Variants in NPEPPS observed in about 807,000 individuals in gnomAD.
The protein encoded by NPEPPS is aminopeptidase puromycin sensitive, also known as puromycin-sensitive aminopeptidase.
NPEPPS carries 14 observed loss-of-function variants against 115.5 expected under a neutral mutation model. The observed-to-expected ratio is 0.12, with a 90% CI of 0.08 to 0.19. The LOEUF (loss-of-function observed/expected upper bound fraction) is 0.19. Among genes scored for constraint, NPEPPS ranks in the 10% least tolerant of loss-of-function variants. The pLI is 1.00. For missense variants in NPEPPS, 523 were observed against 1,110.8 expected, an observed-to-expected ratio of 0.47 and a Z score of 7.52; for synonymous variants, 285 against 390.6, an observed-to-expected ratio of 0.73 and a Z score of 3.19.
At chr17:47,562,597 T>C (rs1288858831) in intron 2 of NPEPPS, among the ~76,000 whole-genome samples, 4 of 142,072 alleles carry the variant, frequency 2.8e-5, no homozygotes, top group African/African-American at 1.0e-4. Flanking sequence ...GGAAGGCTTT[T>C]TTGATGCAGA....
At chr17:47,573,508 A>G (rs1911324469) in intron 3 of NPEPPS, among the ~76,000 whole-genome samples, 2 of 152,132 alleles carry the variant, frequency 1.3e-5, no homozygotes, top group South Asian at 4.1e-4. Context: ...GGAGTGGGGG[A>G]TGGATTAGCT....
At chr17:47,619,275 C>A in intron 21 of NPEPPS, 111 bp downstream of exon 21, 1 of 1,107,296 alleles carries the variant, frequency 9.0e-7, no homozygotes, top group Non-Finnish European at 1.3e-6. Context: ...TTCCTGTGGC[C>A]AGGTGCAGTG....
At chr17:47,536,393 T>C (rs1315225342) in intron 1 of NPEPPS, among the ~76,000 whole-genome samples, 8 of 145,994 alleles carry the variant, frequency 5.5e-5, no homozygotes, top group Admixed American at 1.4e-4. Flanking sequence ...TCTCTCTTTT[T>C]TTTTTTTTTT....
At chr17:47,601,191 C>T (rs1021826475) in intron 14 of NPEPPS, among the ~76,000 whole-genome samples, 9 of 151,816 alleles carry the variant, frequency 5.9e-5, no homozygotes, top group Admixed American at 2.0e-4. Flanking sequence ...GCTGAGATCA[C>T]GCCACCGCAC....
chr17:47,543,506 T>TTA (rs1376918089), intron 1 of NPEPPS, among the ~76,000 whole-genome samples: 2 of 148,122 alleles, frequency 1.4e-5, no homozygotes, highest in African/African-American at 5.0e-5. Context: ...TTTTTTTTTT[T>TTA]AGTAGAAATG....
intron 2 of NPEPPS, among the ~76,000 whole-genome samples, chr17:47,553,823 T>C (rs1008806024): frequency 6.6e-6 from 1 of 151,550 alleles, no homozygotes; most frequent in Non-Finnish European, 1.5e-5. Flanking sequence ...CAATCTCAGC[T>C]CACTGCAACC....
intron 12 of NPEPPS, 64 bp downstream of exon 12, chr17:47,592,609 C>T: frequency 7.2e-7 from 1 of 1,398,246 alleles, no homozygotes; most frequent in Non-Finnish European, 9.8e-7. Context: ...CAGGCTGGGA[C>T]ATTTTATTTT....
intron 2 of NPEPPS, among the ~76,000 whole-genome samples, chr17:47,567,351 G>T (rs1910888447): frequency 6.6e-6 from 1 of 152,148 alleles, no homozygotes; most frequent in African/African-American, 2.4e-5. Context: ...AGTGACAGTA[G>T]AAACATTTGA....
At chr17:47,599,611 C>G (rs937262434) in intron 13 of NPEPPS, 65 bp from the exon 14 acceptor site, 9 of 1,385,850 alleles carry the variant, frequency 6.5e-6, no homozygotes, top group Non-Finnish European at 9.0e-6. Flanking sequence ...CCCTCCTCTT[C>G]AAAAACAAAA....
chr17:47,555,093 C>T (rs1281764827), intron 2 of NPEPPS, among the ~76,000 whole-genome samples: 1 of 152,144 alleles, frequency 6.6e-6, no homozygotes, highest in African/African-American at 2.4e-5. Flanking sequence ...TCTTCATGTG[C>T]TCTATCCTAT....
chr17:47,554,089 G>A (rs1909839962), intron 2 of NPEPPS, among the ~76,000 whole-genome samples: 1 of 151,504 alleles, frequency 6.6e-6, no homozygotes, highest in African/African-American at 2.4e-5. Flanking sequence ...TGCCCAGGCT[G>A]GAGTGCGATG....
intron 18 of NPEPPS, 55 bp downstream of exon 18, chr17:47,612,657 ATGGAAC>A (rs1431034948): frequency 7.0e-7 from 1 of 1,424,674 alleles, no homozygotes; most frequent in African/African-American, 1.5e-5. Context: ...TTTGTGAAGC[ATGGAAC>A]TTTTTTTTTT....
At chr17:47,586,058 C>T in intron 6 of NPEPPS, 90 bp from the exon 7 acceptor site, 2 of 889,188 alleles carry the variant, frequency 2.2e-6, no homozygotes, top group Non-Finnish European at 1.6e-6. Flanking sequence ...ATTTAAGATA[C>T]ATTGGCTTGC....
chr17:47,526,626 T>A (rs1907441995), upstream of NPEPPS, among the ~76,000 whole-genome samples: 1 of 152,238 alleles, frequency 6.6e-6, no homozygotes. Context: ...AATAACATTT[T>A]GAGAAGCTGA....
intron 1 of NPEPPS, among the ~76,000 whole-genome samples, chr17:47,539,872 T>A (rs537416607): frequency 1.3e-5 from 2 of 152,292 alleles, no homozygotes; most frequent in Admixed American, 1.3e-4. Context: ...CAATTATTGC[T>A]ATTTTAATGG....
upstream of NPEPPS, among the ~76,000 whole-genome samples, chr17:47,530,100 C>A (rs1907628091): frequency 2.8e-4 from 4 of 14,498 alleles, no homozygotes; most frequent in African/African-American, 7.9e-4. Context: ...CCAAGCCCGG[C>A]TATTTTTTTT....
intron 1 of NPEPPS, among the ~76,000 whole-genome samples, chr17:47,525,509 A>G (rs1169852414): frequency 6.6e-6 from 1 of 151,916 alleles, no homozygotes; most frequent in African/African-American, 2.4e-5. Context: ...ACGCCCAGCT[A>G]ATTTTGTATT....
intron 3 of NPEPPS, among the ~76,000 whole-genome samples, chr17:47,575,734 A>T (rs1186774794): frequency 6.6e-6 from 1 of 151,814 alleles, no homozygotes; most frequent in Non-Finnish European, 1.5e-5. Context: ...CCTCCCGAGT[A>T]GCTGGGACTA....
chr17:47,604,745 C>T (rs892636480), intron 16 of NPEPPS, among the ~76,000 whole-genome samples: 2 of 152,176 alleles, frequency 1.3e-5, no homozygotes, highest in Admixed American at 6.5e-5. Flanking sequence ...AGAGACCTGT[C>T]CCAGGAGAGT....
Sources: gnomAD v4.1 joint callset for allele counts (sites outside exome capture counted in the v4.1 genomes callset) on GRCh38, gnomAD v4.1.1 for gene constraint, MANE v1.5 for transcripts, NCBI Gene and HGNC (gene_info 2026-07-23, HGNC 2026-07-21) for gene names.